The following GULP1 variants were observed in gnomAD, a reference collection of about 807,000 sequenced individuals.
The protein encoded by GULP1 is PTB domain-containing engulfment adapter protein 1.
A neutral mutation model predicts 40.9 loss-of-function variants in GULP1; 19 were observed. That is an observed-to-expected ratio of 0.46 (90% confidence interval 0.32 to 0.68). GULP1 has a LOEUF of 0.68. Ranked by LOEUF, GULP1 falls within the 30% of genes least tolerant of loss-of-function variation. GULP1 has a pLI of 0.03. For missense variants in GULP1, 312 were observed against 362.2 expected (o/e 0.86, Z 1.12); for synonymous variants, 119 against 117.6 (o/e 1.01, Z -0.08).
At chr2:188,466,553 A>C (rs752648076) in intron 2 of GULP1, 1 of 151,782 alleles carries the variant, frequency 6.6e-6, no homozygotes, top group Non-Finnish European at 1.5e-5. Context: ...GGCCTCCCAA[A>C]GTGCTGAGAT....
intron 1 of GULP1, among the ~76,000 whole-genome samples, chr2:188,317,253 A>G (rs759856996): frequency 5.3e-5 from 8 of 152,164 alleles, no homozygotes; most frequent in Non-Finnish European, 8.8e-5. Flanking sequence ...ATGTATGCAC[A>G]GATGTAGGTG....
chr2:188,429,351 T>C (rs2056587472), intron 2 of GULP1, among the ~76,000 whole-genome samples: 1 of 151,936 alleles, frequency 6.6e-6, no homozygotes, highest in African/African-American at 2.4e-5. Context: ...AAAATACAAA[T>C]AAATAGCCAG....
intron 9 of GULP1, among the ~76,000 whole-genome samples, chr2:188,576,249 G>GAA (rs145503643): frequency 6.8e-6 from 1 of 146,030 alleles, no homozygotes; most frequent in African/African-American, 2.5e-5. Flanking sequence ...GTGCTTGAGT[G>GAA]AAAAAAAAAA....
intron 3 of GULP1, among the ~76,000 whole-genome samples, chr2:188,482,972 A>T (rs565904079): frequency 6.6e-6 from 1 of 151,852 alleles, no homozygotes; most frequent in East Asian, 1.9e-4. Context: ...ATAATATGAT[A>T]ATTTCCCTTT....
intron 9 of GULP1, among the ~76,000 whole-genome samples, chr2:188,576,854 C>T (rs1427557770): frequency 6.6e-6 from 1 of 152,038 alleles, no homozygotes; most frequent in Non-Finnish European, 1.5e-5. Flanking sequence ...GGGTTTTCCA[C>T]CATTTGGTAC....
chr2:188,508,795 C>A (rs1163701465), intron 4 of GULP1, among the ~76,000 whole-genome samples: 3 of 152,022 alleles, frequency 2.0e-5, no homozygotes, highest in Admixed American at 2.0e-4. Context: ...CCAAATAATA[C>A]ACACCTGGAC....
intron 1 of GULP1, among the ~76,000 whole-genome samples, chr2:188,342,089 A>C (rs946234557): frequency 6.6e-6 from 1 of 152,260 alleles, no homozygotes; most frequent in Admixed American, 6.5e-5. Context: ...ATATATCAAT[A>C]CATGTAAGTG....
chr2:188,416,019 A>G (rs2054534447), intron 2 of GULP1, among the ~76,000 whole-genome samples: 1 of 152,178 alleles, frequency 6.6e-6, no homozygotes, highest in Non-Finnish European at 1.5e-5. Flanking sequence ...ATTTTTAACC[A>G]ATGAAAAGAG....
intron 2 of GULP1, among the ~76,000 whole-genome samples, chr2:188,427,128 A>G (rs541273637): frequency 5.9e-5 from 9 of 152,176 alleles, no homozygotes; most frequent in Admixed American, 5.9e-4. Context: ...CTAAGGAGCA[A>G]AGTGTTCAAA....
intron 1 of GULP1, among the ~76,000 whole-genome samples, chr2:188,301,448 A>G (rs1333325415): frequency 1.3e-5 from 2 of 152,188 alleles, no homozygotes; most frequent in African/African-American, 2.4e-5. Flanking sequence ...TTTGAGAGCT[A>G]TATCACCTTC....
At chr2:188,378,214 C>G (rs1306080686) in intron 1 of GULP1, among the ~76,000 whole-genome samples, 2 of 150,866 alleles carry the variant, frequency 1.3e-5, no homozygotes, top group Admixed American at 6.6e-5. Flanking sequence ...TCCAGGCCAG[C>G]TACAGTCATT....
intron 2 of GULP1, among the ~76,000 whole-genome samples, chr2:188,436,941 C>G (rs540619468): frequency 6.6e-6 from 1 of 152,152 alleles, no homozygotes; most frequent in South Asian, 2.1e-4. Flanking sequence ...CAATAAAATG[C>G]AGCTGTTCTG....
chr2:188,545,426 A>G (rs1257817609), intron 7 of GULP1, among the ~76,000 whole-genome samples: 3 of 151,974 alleles, frequency 2.0e-5, no homozygotes, highest in Non-Finnish European at 4.4e-5. Context: ...TGAAATATGT[A>G]AGCCAATTAT....
chr2:188,339,521 A>G (rs1290794657), intron 1 of GULP1, among the ~76,000 whole-genome samples: 1 of 152,168 alleles, frequency 6.6e-6, no homozygotes, highest in African/African-American at 2.4e-5. Context: ...ATTATACATT[A>G]CTTAAAAACT....
intron 7 of GULP1, among the ~76,000 whole-genome samples, chr2:188,554,191 G>T (rs1030450402): frequency 6.6e-6 from 1 of 151,418 alleles, no homozygotes; most frequent in Non-Finnish European, 1.5e-5. Flanking sequence ...TTAATTTTGG[G>T]TTGGTTTGTT....
At chr2:188,526,201 T>C (rs1213537003) in intron 5 of GULP1, among the ~76,000 whole-genome samples, 2 of 152,186 alleles carry the variant, frequency 1.3e-5, no homozygotes, top group Admixed American at 6.5e-5. Flanking sequence ...CAAGTACTAC[T>C]CCATCCTTCC....
intron 1 of GULP1, among the ~76,000 whole-genome samples, chr2:188,353,228 A>G (rs2044753846): frequency 6.6e-6 from 1 of 152,204 alleles, no homozygotes; most frequent in Non-Finnish European, 1.5e-5. Flanking sequence ...TACTAAATAA[A>G]AAATGAAAGC....
At chr2:188,331,914 T>C (rs1004779674) in intron 1 of GULP1, among the ~76,000 whole-genome samples, 2 of 152,164 alleles carry the variant, frequency 1.3e-5, no homozygotes, top group African/African-American at 4.8e-5. Flanking sequence ...AATGACTATA[T>C]TGTTATTAAA....
In GULP1 at chr2:188,338,178, T is replaced by C. The variant is rs375000805; in HGVS notation, c.-171-45585T>C. 2.2e-4 allele frequency among the ~76,000 whole-genome samples: 33 copies of C among 152,280 alleles called. 1 individual carries two copies. The highest frequency in any genetic ancestry group is 7.9e-4 in the African/African-American group (33 of 41,556). On this transcript the variant is annotated intron_variant, in intron 1 of 11. Transcript: ENST00000409830. ...TCCTCAATATATCATTGATATATCA[T>C]TGATGAACAATTCCTCTCTGAGATC...
Sources: gnomAD v4.1 joint callset for allele counts (sites outside exome capture counted in the v4.1 genomes callset) on GRCh38, gnomAD v4.1.1 for gene constraint, MANE v1.5 for transcripts, NCBI Gene and HGNC (gene_info 2026-07-23, HGNC 2026-07-21) for gene names.